FOXP4: variants seen among roughly 807,000 people sequenced by gnomAD.
FOXP4 encodes the protein forkhead box protein P4.
A neutral mutation model predicts 82.6 loss-of-function variants in FOXP4; 25 were observed. The observed-to-expected ratio is 0.30, with a 90% CI of 0.22 to 0.42. FOXP4 has a LOEUF of 0.42. Among genes scored for constraint, FOXP4 ranks in the 10% least tolerant of loss-of-function variants. The probability of loss-of-function intolerance (pLI) is 1.00; values close to 1 mark genes in which losing one functional copy is unlikely to be tolerated. For missense variants in FOXP4, 785 were observed against 900.9 expected (o/e 0.87, Z 1.65); for synonymous variants, 415 against 388.2 (o/e 1.07, Z -0.81).
intron 3 of FOXP4, among the ~76,000 whole-genome samples, chr6:41,579,066 T>C (rs1005829902): frequency 3.3e-5 from 5 of 152,084 alleles, no homozygotes; most frequent in African/African-American, 1.2e-4. Context: ...GACCAGGCTT[T>C]GTCCTGGGTG....
chr6:41,590,416 C>T, intron 12 of FOXP4, 69 bp downstream of exon 12: 2 of 1,535,228 alleles, frequency 1.3e-6, no homozygotes, highest in Non-Finnish European at 8.9e-7. Flanking sequence ...CCGCCACACC[C>T]CTGCCTCCAG....
intron 2 of FOXP4, among the ~76,000 whole-genome samples, chr6:41,569,782 T>C (rs1025663821): frequency 1.3e-5 from 2 of 152,140 alleles, no homozygotes; most frequent in African/African-American, 4.8e-5. Flanking sequence ...TTGCCTAGCG[T>C]CTGGGAACTC....
rs1766266958 is a variant in FOXP4, at chr6:41,588,121, AGC to A, written c.977+227_977+228del. Among the ~76,000 whole-genome samples, 4 of 152,258 alleles carry A rather than the reference AGC, an allele frequency of 2.6e-5. No homozygotes were observed. The South Asian group carries it at 8.3e-4, about 32-fold the overall frequency. ...CCTGCATTCCCCTGACTCCATCCCCAGCGCAGGGTGCGGGTAGGAGAAGGAGA... is the reference window on the plus strand; with the variant it reads ...CCTGCATTCCCCTGACTCCATCCCCAGCAGGGTGCGGGTAGGAGAAGGAGA... On this transcript the variant is annotated intron_variant, in intron 8 of 16. Transcript: ENST00000307972.
At chr6:41,585,561 C>T (rs1265094943) in intron 5 of FOXP4, 44 bp downstream of exon 5, 1 of 1,574,518 alleles carries the variant, frequency 6.4e-7, no homozygotes, top group Non-Finnish European at 8.7e-7. Flanking sequence ...CACCCCCTGC[C>T]CAGAGCTGGG....
At chr6:41,594,635 C>T (rs1046989463) in intron 13 of FOXP4, among the ~76,000 whole-genome samples, 1 of 152,152 alleles carries the variant, frequency 6.6e-6, no homozygotes, top group African/African-American at 2.4e-5. Context: ...GAGGAGGCAG[C>T]TAATAAAATG....
rs181853352 is a variant in FOXP4 at position 41,591,993 on chromosome 6, G to T, written c.1536+671G>T. ...TTATTTTTCTATAGCCAAAAGGGGG[G>T]TGTGTGTGTGTGTCTGTCTGTCTGT... On this transcript the variant is annotated intron_variant, in intron 13 of 16. Coordinates refer to ENST00000307972, the MANE Select transcript of FOXP4 (RefSeq NM_001012426.2). This position sits in a 1 kb window ranked among gnomAD's most constrained non-coding sequence, Gnocchi z 4.2. Among the ~76,000 whole-genome samples, 243 of 151,598 alleles carry T rather than the reference G, an allele frequency of 1.6e-3. 5 individuals carry two copies. The highest frequency in any genetic ancestry group is 4.1e-4 in the Non-Finnish European group (28 of 67,946).
At chr6:41,597,575 C>A (rs942455087) in intron 15 of FOXP4, among the ~76,000 whole-genome samples, 1 of 151,854 alleles carries the variant, frequency 6.6e-6, no homozygotes, top group Non-Finnish European at 1.5e-5. Context: ...GGTAGGAGGT[C>A]GGGGGGTCAG....
At chr6:41,552,334 C>T (rs1458947959) in intron 1 of FOXP4, among the ~76,000 whole-genome samples, 6 of 152,086 alleles carry the variant, frequency 3.9e-5, no homozygotes, top group Admixed American at 3.9e-4. Flanking sequence ...TTGTGGGAGA[C>T]CCAGCGAGAG....
chr6:41,587,838 C>G lies in FOXP4; in HGVS notation c.918C>G (p.His306Gln). Residue 306 changes from histidine to glutamine, a missense_variant, in exon 8 of 17, where the codon CAC becomes CAG. Transcript: ENST00000307972. The stretch of plus-strand genomic sequence containing the variant: ...CCGGCTCCCACCCCCTGTACGGACA[C>G]GGAGAGTGCAAGTGGCCAGGCTGTG... Reference protein sequence around the residue: ...ETPGSHPLYGHGECKWPGCET... With the variant: ...ETPGSHPLYGQGECKWPGCET... 1.3e-6 allele frequency: 2 copies of G among 1,572,696 alleles called. No homozygotes were observed. Among genetic ancestry groups the G allele is most frequent in the South Asian group, 1.2e-5 (1 of 85,800 alleles).
At chr6:41,581,755 A>T (rs1000289149) in intron 3 of FOXP4, among the ~76,000 whole-genome samples, 2 of 152,324 alleles carry the variant, frequency 1.3e-5, no homozygotes, top group Admixed American at 1.3e-4. Flanking sequence ...ATCCATCCAG[A>T]TCTCTGTAGC....
chr6:41,598,935 A>G lies in FOXP4; in HGVS notation c.2042A>G (p.Ter681=), dbSNP rs1767056501. The G allele has an allele frequency of 1.9e-6, 3 of 1,604,122 alleles. No individual in the cohort carries two copies. The highest frequency in any genetic ancestry group is 2.5e-6 in the Non-Finnish European group (3 of 1,176,744). ...GAGCTGCCGGGAGAAGAACTGTCCT[A>G]AGGGCCTGTAGTGACCGGCAGGGCT... ...EEELPGEELS[*] Residue 681 remains the stop codon, a stop_retained_variant, in exon 17 of 17, where the codon TAA becomes TGA. Transcript: ENST00000307972.
At chr6:41,547,805 G>A (rs1304689962) in intron 1 of FOXP4, among the ~76,000 whole-genome samples, 1 of 146,448 alleles carries the variant, frequency 6.8e-6, no homozygotes, top group Non-Finnish European at 1.5e-5. Context: ...TGAGGAGTCT[G>A]GTATCTCCCC....
At chr6:41,561,996 C>T (rs920874939) in intron 1 of FOXP4, among the ~76,000 whole-genome samples, 5 of 152,190 alleles carry the variant, frequency 3.3e-5, no homozygotes, top group African/African-American at 1.2e-4. Flanking sequence ...TCAAGGCCTC[C>T]CGCCAGCACC....
In FOXP4 at chr6:41,588,721, T is replaced by A; in HGVS notation, c.1055T>A (p.Leu352Gln). 1 of 1,613,610 alleles carries A rather than the reference T, an allele frequency of 6.2e-7. No individual in the cohort carries two copies. The highest frequency in any genetic ancestry group is 8.5e-7 in the Non-Finnish European group (1 of 1,179,986). ...CRVQMQVVQQ[L>Q]EIQLAKESER... ...GTACAGATGCAGGTGGTGCAGCAGC[T>A]GGAGATCCAGGTGTGGCCCGGAAGA... The change falls in exon 9 of 17, where the codon CTG becomes CAG. Residue 352 changes from leucine to glutamine, a missense_variant. Transcript: ENST00000307972.
At chr6:41,569,595 G>C (rs569958694) in intron 2 of FOXP4, among the ~76,000 whole-genome samples, 56 of 152,288 alleles carry the variant, frequency 3.7e-4, no homozygotes, top group African/African-American at 1.3e-3. Context: ...CTTGGGGGCT[G>C]GTCTGGGTGC....
rs770746880 is a variant in FOXP4 at position 41,597,813 on chromosome 6, C to T, written c.1758C>T (p.Leu586=). ...TGGCCGAGAGCAGCTTCCCCCTCCT[C>T]AACAGCCCTGGCATGCTGAACCCTG... ...AALAESSFPL[L]NSPGMLNPGS... The change falls in exon 16 of 17, where the codon CTC becomes CTT. Residue 586 remains leucine (L), a synonymous_variant. Coordinates refer to ENST00000307972, the MANE Select transcript of FOXP4 (RefSeq NM_001012426.2). 10 of 1,607,584 alleles carry T rather than the reference C, an allele frequency of 6.2e-6. No individual in the cohort carries two copies. Among genetic ancestry groups the T allele is most frequent in the South Asian group, 4.4e-5 (4 of 90,548 alleles).
Position 41,599,073 on chromosome 6 carries a change from C to G in FOXP4, c.*137C>G. On this transcript the variant is annotated 3_prime_UTR_variant, in exon 17 of 17. Transcript: ENST00000307972. Reference sequence around the variant, plus strand: ...AGACCGGGGAGGCCCGGGCCAGCAGCTCCCAGTGTGACCTGACAAAAACAC... The same window carrying G: ...AGACCGGGGAGGCCCGGGCCAGCAGGTCCCAGTGTGACCTGACAAAAACAC... 1 of 1,241,276 alleles carries G rather than the reference C, an allele frequency of 8.1e-7. No individual in the cohort carries two copies. Among genetic ancestry groups the G allele is most frequent in the Non-Finnish European group, 1.1e-6 (1 of 912,852 alleles). 76.9% of individuals were successfully genotyped at this position (1,241,276 alleles called of 1,614,324 possible). A position where few individuals can be genotyped will look rare whatever the true frequency, so the allele number is the denominator to read the frequency against.
At chr6:41,574,877 G>A (rs1246880696) in intron 2 of FOXP4, among the ~76,000 whole-genome samples, 1 of 152,196 alleles carries the variant, frequency 6.6e-6, no homozygotes, top group Admixed American at 6.5e-5. Flanking sequence ...GACTTCCCCA[G>A]GTAGAAGAAA....
rs371892597 is a variant in FOXP4, at chr6:41,593,746, CA to C, written c.1537-1123del. Among the ~76,000 whole-genome samples, 4 of 152,184 alleles carry C rather than the reference CA, an allele frequency of 2.6e-5. No homozygotes were observed. Among genetic ancestry groups the C allele is most frequent in the African/African-American group, 9.7e-5 (4 of 41,428 alleles). On this transcript the variant is annotated intron_variant, in intron 13 of 16. Transcript: ENST00000307972. This position sits in a 1 kb window ranked among gnomAD's most constrained non-coding sequence, Gnocchi z 4.1. ...TTAGCAAGCGAGTCGGAAAAATACA[CA>C]GGATTTAATTAGAGGCAAATTAAAA...
Sources: gnomAD v4.1 joint callset for allele counts (sites outside exome capture counted in the v4.1 genomes callset) on GRCh38, gnomAD v4.1.1 for gene constraint, Gnocchi (gnomAD v3.1) non-coding constraint, MANE v1.5 for transcripts, NCBI Gene and HGNC (gene_info 2026-07-23, HGNC 2026-07-21) for gene names.